SIK3: variants seen among roughly 807,000 people sequenced by gnomAD.
SIK3 encodes SIK family kinase 3.
Under a neutral mutation model 144.2 loss-of-function variants are expected in SIK3, and 28 were observed. That is an observed-to-expected ratio of 0.19 (90% CI 0.14 to 0.27). The LOEUF is 0.27. Among genes scored for constraint, SIK3 ranks in the 10% least tolerant of loss-of-function variants. The pLI is 1.00. For synonymous variants in SIK3, 686 were observed against 676.3 expected, an observed-to-expected ratio of 1.01 and a Z score of -0.22; for missense variants, 1,319 against 1,776.0, an observed-to-expected ratio of 0.74 and a Z score of 4.62.
intron 1 of SIK3, among the ~76,000 whole-genome samples, chr11:117,001,051 G>C (rs1169194918): frequency 6.6e-6 from 1 of 152,202 alleles, no homozygotes; most frequent in South Asian, 2.1e-4. Context: ...ATAGGAACTA[G>C]ATTATAATAT....
chr11:117,049,599 C>A lies in SIK3; in HGVS notation c.273+48544G>T, dbSNP rs1172795149. On this transcript the variant is annotated intron_variant, in intron 1 of 24. Transcript: ENST00000445177. ...TCTCAAAAAAAAAGAAAGAAAGAAG[C>A]AAGGAAGAAAAGGAAAAGAAAAAAA... is the stretch of plus-strand genomic sequence containing the variant. Among the ~76,000 whole-genome samples, 4 of 151,632 alleles carry A rather than the reference C, an allele frequency of 2.6e-5. No homozygotes were observed. The East Asian group carries it at 7.7e-4, about 29-fold the overall frequency.
At chr11:117,009,388 A>C (rs1951169685) in intron 1 of SIK3, among the ~76,000 whole-genome samples, 1 of 152,092 alleles carries the variant, frequency 6.6e-6, no homozygotes, top group East Asian at 1.9e-4. Context: ...TCTACAAAAA[A>C]TGAAAAACTT....
intron 21 of SIK3, among the ~76,000 whole-genome samples, chr11:116,854,632 C>T (rs1942727331): frequency 6.6e-6 from 1 of 152,168 alleles, no homozygotes; most frequent in Non-Finnish European, 1.5e-5. Context: ...TTAAAAGAAA[C>T]AGCAGGCATT....
At chr11:117,018,533 G>A (rs1951628837) in intron 1 of SIK3, among the ~76,000 whole-genome samples, 1 of 151,904 alleles carries the variant, frequency 6.6e-6, no homozygotes, top group South Asian at 2.1e-4. Context: ...GATGCTTTAG[G>A]TGTAACACAA....
chr11:117,069,622 T>C (rs531358693), intron 1 of SIK3, among the ~76,000 whole-genome samples: 2 of 152,304 alleles, frequency 1.3e-5, no homozygotes, highest in Admixed American at 1.3e-4. Context: ...ACCCCTTCAA[T>C]TTCATATACT....
At chr11:117,061,602 A>G (rs756863977) in intron 1 of SIK3, among the ~76,000 whole-genome samples, 2 of 152,204 alleles carry the variant, frequency 1.3e-5, no homozygotes, top group African/African-American at 4.8e-5. Flanking sequence ...GTAACTCAAC[A>G]TAAGGTCTAT....
rs776023771 is a variant in SIK3, at chr11:116,867,416, T to C, written c.1952+530A>G. On this transcript the variant is annotated intron_variant, in intron 15 of 24. Coordinates refer to ENST00000445177, the MANE Select transcript of SIK3 (RefSeq NM_001366686.3). This position sits in a 1 kb window ranked among gnomAD's most constrained non-coding sequence, Gnocchi z 4.1. ...AACCATAACCGAACCTAGCAAAAGA[T>C]TTTTGCCATCAGAATATTGAAAGAA... is the stretch of plus-strand genomic sequence containing the variant. Among the ~76,000 whole-genome samples, 3 of 152,188 alleles carry C rather than the reference T, an allele frequency of 2.0e-5. No individual in the cohort carries two copies. Among genetic ancestry groups the C allele is most frequent in the Non-Finnish European group, 2.9e-5 (2 of 68,026 alleles).
chr11:116,863,693 T>C lies in SIK3; in HGVS notation c.2078A>G (p.Asn693Ser), dbSNP rs747932326. ...FKAHLEKMGN[N>S]SSIKQLQQEC... ...CTGCTGCAGCTGTTTGATGCTGCTG[T>C]TGTTGCCCATTTTTTCCAGGTGAGC... Residue 693 changes from asparagine (N) to serine (S), a missense_variant, in exon 16 of 25, where the codon AAC becomes AGC. Asn to Ser is a conservative substitution (Grantham distance 46). Coordinates refer to ENST00000445177, the MANE Select transcript of SIK3 (RefSeq NM_001366686.3). The C allele has an allele frequency of 3.7e-6, 6 of 1,614,068 alleles. No homozygotes were observed. The African/African-American group carries it at 5.3e-5, about 14-fold the overall frequency.
chr11:117,052,359 G>A (rs1209045809), intron 1 of SIK3, among the ~76,000 whole-genome samples: 1 of 152,194 alleles, frequency 6.6e-6, no homozygotes, highest in Non-Finnish European at 1.5e-5. Context: ...CCTAAAGGTA[G>A]AAAGACCAGT....
In SIK3 at chr11:116,861,745, T is replaced by A. The variant is rs1019025857; in HGVS notation, c.2315+96A>T. The A allele has an allele frequency of 6.4e-6, 5 of 783,366 alleles. No homozygotes were observed. The South Asian group carries it at 8.7e-5, about 14-fold the overall frequency. The allele number at this position is 783,366 out of a possible 1,614,324, so 48.5% of individuals were successfully genotyped here. On this transcript the variant is annotated intron_variant, in intron 18 of 24. Coordinates refer to ENST00000445177, the MANE Select transcript of SIK3 (RefSeq NM_001366686.3). ...CCTTTTCAAATAGATTCTTGCAAGATGAATGCTCAAGTCAGTCCATATCTC... is the reference window on the plus strand; with the variant it reads ...CCTTTTCAAATAGATTCTTGCAAGAAGAATGCTCAAGTCAGTCCATATCTC...
chr11:116,896,148 G>A, intron 6 of SIK3, 105 bp downstream of exon 6: 1 of 1,484,280 alleles, frequency 6.7e-7, no homozygotes. Flanking sequence ...AGTTAAAAAA[G>A]GTTGTAAGTG....
At chr11:117,004,651 T>C (rs1257749938) in intron 1 of SIK3, among the ~76,000 whole-genome samples, 1 of 152,208 alleles carries the variant, frequency 6.6e-6, no homozygotes, top group East Asian at 1.9e-4. Context: ...GCACTATTAT[T>C]AAGACCTGAC....
chr11:116,863,793 G>A lies in SIK3; in HGVS notation c.1978C>T (p.Leu660=). 6.2e-7 allele frequency: 1 copy of A among 1,613,554 alleles called. No individual in the cohort carries two copies. The highest frequency in any genetic ancestry group is 8.5e-7 in the Non-Finnish European group (1 of 1,179,656). Residue 660 remains leucine (L), a synonymous_variant, in exon 16 of 25, where the codon CTG becomes TTG. Transcript: ENST00000445177. ...GAGAAACGCTCCGTAGGGAGGTGCA[G>A]AGTGTTGGAGTCCTTGTAGGTAGAG... ...HRSTYKDSNT[L]HLPTERFSPV...
chr11:116,938,291 A>G (rs1262819297), intron 3 of SIK3, among the ~76,000 whole-genome samples: 2 of 90,584 alleles, frequency 2.2e-5, no homozygotes, highest in Admixed American at 1.3e-4. Flanking sequence ...AGAGGAGAGG[A>G]GAGGAGAGGA....
At chr11:116,848,628 C>A (rs139846178) in intron 22 of SIK3, among the ~76,000 whole-genome samples, 15 of 152,296 alleles carry the variant, frequency 9.8e-5, no homozygotes, top group African/African-American at 3.6e-4. Context: ...CTACAGGGAA[C>A]AGATGGCAAC....
intron 1 of SIK3, among the ~76,000 whole-genome samples, chr11:117,033,425 G>T (rs915877879): frequency 6.6e-6 from 1 of 152,076 alleles, no homozygotes; most frequent in Non-Finnish European, 1.5e-5. Context: ...AAAATAGCTG[G>T]GTGCAGTGGC....
At position 116,876,592 on chromosome 11, in the gene SIK3, C is replaced by T. The variant is rs531196412; in HGVS notation, c.985-229G>A. Among the ~76,000 whole-genome samples, 16 of 152,300 alleles carry T rather than the reference C, an allele frequency of 1.1e-4. 1 individual carries two copies. The South Asian group carries it at 3.3e-3, about 32-fold the overall frequency. On this transcript the variant is annotated intron_variant, in intron 7 of 24. Coordinates refer to ENST00000445177, the MANE Select transcript of SIK3 (RefSeq NM_001366686.3). The stretch of plus-strand genomic sequence containing the variant: ...ATGGCCATAGTGGTTTAAATAAAAG[C>T]ATGCTACAGAAGCCACTGAATTGAG...
In SIK3 at chr11:116,867,956, C is replaced by T; in HGVS notation, c.1942G>A (p.Asp648Asn). ...CATGTGGCTACTCACCGATGCTGAT[C>T]AGGTACCAGGTGAGGAGGCCAGACC... The part of the protein sequence containing the change: ...SRVWPPHLVP[D>N]QHRSTYKDSN... Residue 648 changes from aspartate (D) to asparagine (N), a missense_variant, in exon 15 of 25, where the codon GAT (aspartate) becomes AAT (asparagine). This residue lies in a region of SIK3 where 47 missense variants were observed against 40.2 expected (regional missense o/e 1.17). Coordinates refer to ENST00000445177, the MANE Select transcript of SIK3 (RefSeq NM_001366686.3). This position sits in a 1 kb window ranked among gnomAD's most constrained non-coding sequence, Gnocchi z 4.1. The T allele has an allele frequency of 6.5e-7, 1 of 1,543,330 alleles. No homozygotes were observed. The highest frequency in any genetic ancestry group is 1.4e-5 in the African/African-American group (1 of 73,022).
intron 6 of SIK3, among the ~76,000 whole-genome samples, chr11:116,881,744 A>G (rs1193811056): frequency 6.6e-6 from 1 of 152,220 alleles, no homozygotes; most frequent in African/African-American, 2.4e-5. Flanking sequence ...AGAGAATGAA[A>G]GACTAATAGA....
Sources: allele counts gnomAD v4.1 joint callset (sites outside exome capture counted in the v4.1 genomes callset), GRCh38; gene constraint gnomAD v4.1.1; regional missense constraint gnomAD v4.1.1; non-coding constraint Gnocchi (gnomAD v3.1); transcripts MANE v1.5; gene names NCBI Gene and HGNC (gene_info 2026-07-23, HGNC 2026-07-21).